ZNF525: variants seen among roughly 807,000 people sequenced by gnomAD.
ZNF525 encodes zinc finger protein 525.
Under a neutral mutation model 37.6 loss-of-function variants are expected in ZNF525, and 33 were observed. The observed-to-expected ratio is 0.88, with a 90% CI of 0.67 to 1.17. ZNF525 has a LOEUF of 1.17. Ranked by LOEUF, ZNF525 falls within the 50% of genes most tolerant of loss-of-function variation. The probability of loss-of-function intolerance (pLI) is 0.00; values close to 1 mark genes in which losing one functional copy is unlikely to be tolerated. For missense variants in ZNF525, 449 were observed against 543.1 expected, an observed-to-expected ratio of 0.83 and a Z score of 1.72; for synonymous variants, 170 against 182.3, an observed-to-expected ratio of 0.93 and a Z score of 0.54.
In ZNF525 at chr19:53,381,979, G is replaced by C. The variant is rs1456525581; in HGVS notation, c.1400G>C (p.Cys467Ser). 9.4e-7 allele frequency: 1 copy of C among 1,068,932 alleles called. No individual in the cohort carries two copies. Among genetic ancestry groups the C allele is most frequent in the African/African-American group, 1.6e-5 (1 of 63,596 alleles). The allele number at this position is 1,068,932 out of a possible 1,614,324, so 66.2% of individuals were successfully genotyped here. Reference protein sequence around the residue: ...HCRLHSGEKPCKCGECDKAYS... With the variant: ...HCRLHSGEKPSKCGECDKAYS... ...AGACTTCATAGTGGAGAGAAACCTT[G>C]CAAGTGTGGAGAATGTGACAAGGCT... Residue 467 changes from cysteine to serine, a missense_variant, in exon 4 of 4, where the codon TGC (cysteine) becomes TCC (serine). Cys to Ser is a moderately radical substitution (Grantham distance 112). Transcript: ENST00000474037.
At chr19:53,379,064 T>G (rs2085541451) in intron 3 of ZNF525, among the ~76,000 whole-genome samples, 1 of 152,194 alleles carries the variant, frequency 6.6e-6, no homozygotes, top group Non-Finnish European at 1.5e-5. Context: ...CCTGGCTGTT[T>G]CATAAATGTA....
chr19:53,380,639 G>A (rs1348301261), intron 3 of ZNF525, 83 bp from the exon 4 acceptor site: 1 of 695,114 alleles, frequency 1.4e-6, no homozygotes, highest in Non-Finnish European at 2.4e-6. Context: ...ACGATTTTGT[G>A]TTCCTAAACT....
intron 1 of ZNF525, among the ~76,000 whole-genome samples, chr19:53,368,145 CA>C (rs1397375589): frequency 6.6e-6 from 1 of 152,134 alleles, no homozygotes; most frequent in African/African-American, 2.4e-5. Context: ...TTCAAGTACA[CA>C]AGCCCTTGTC....
chr19:53,372,350 A>G, intron 2 of ZNF525, 54 bp downstream of exon 2: 2 of 754,532 alleles, frequency 2.7e-6, no homozygotes. Flanking sequence ...AGAAATGCTG[A>G]CCTTGGAGTT....
Position 53,380,901 on chromosome 19 carries a change from G to A in ZNF525, c.322G>A (p.Gly108Ser), listed in dbSNP as rs767640750. ...TCAGTGGCAAGAAGATGAAAGAAAT[G>A]GCCATGAAGCACCCATGACAAAAAT... ...EFQWQEDERN[G>S]HEAPMTKIKK... The change falls in exon 4 of 4, where the codon GGC becomes AGC. Residue 108 changes from glycine (G) to serine (S), a missense_variant. Physicochemically the swap from Gly to Ser is moderately conservative, Grantham distance 56. Transcript: ENST00000474037. 5 of 1,484,088 alleles carry A rather than the reference G, an allele frequency of 3.4e-6. No individual in the cohort carries two copies. In the African/African-American group the frequency reaches 5.5e-5, roughly 16 times the overall value. 91.9% of individuals were successfully genotyped at this position (1,484,088 alleles called of 1,614,324 possible).
rs2085576169 is a variant in ZNF525 at position 53,382,723 on chromosome 19, G to A, written c.*704G>A. The A allele has an allele frequency of 3.9e-6, 3 of 778,110 alleles. No individual in the cohort carries two copies. The highest frequency in any genetic ancestry group is 5.3e-5 in the East Asian group (2 of 38,060). 48.2% of individuals were successfully genotyped at this position (778,110 alleles called of 1,614,324 possible). On this transcript the variant is annotated 3_prime_UTR_variant, in exon 4 of 4. Coordinates refer to ENST00000474037, the MANE Select transcript of ZNF525 (RefSeq NM_001348156.2). ...ATCATTGGAGAATCCATAATAAAGA[G>A]AGACCTTACAAGTGTGATAAATGTG...
rs2085561944 is a variant in ZNF525 at position 53,381,412 on chromosome 19, A to G, written c.833A>G (p.Lys278Arg). The G allele has an allele frequency of 1.3e-6, 2 of 1,583,468 alleles. No homozygotes were observed. The highest frequency in any genetic ancestry group is 8.7e-7 in the Non-Finnish European group (1 of 1,152,268). ...CCTTACAAGTGTAATGAGTGTGGCA[A>G]GTCCTTCAGTCAGATGTCATCCCTT... ...EKPYKCNECG[K>R]SFSQMSSLTY... Residue 278 changes from lysine (K) to arginine (R), a missense_variant, in exon 4 of 4, where the codon AAG (lysine) becomes AGG (arginine). This residue lies in a region of ZNF525 where 271 missense variants were observed against 381.6 expected (regional missense o/e 0.71). Transcript: ENST00000474037.
intron 1 of ZNF525, among the ~76,000 whole-genome samples, chr19:53,368,471 C>T (rs1020015972): frequency 1.3e-5 from 2 of 152,164 alleles, no homozygotes; most frequent in African/African-American, 2.4e-5. Context: ...AAACTGTGGG[C>T]ATTGCTTTGG....
chr19:53,373,971 A>AT (rs1366734856), intron 2 of ZNF525, among the ~76,000 whole-genome samples: 1 of 152,026 alleles, frequency 6.6e-6, no homozygotes, highest in Non-Finnish European at 1.5e-5. Context: ...CAACCTCTGC[A>AT]TCCCGAGCTC....
Position 53,369,817 on chromosome 19 carries a change from C to T in ZNF525, c.-67-2398C>T, listed in dbSNP as rs551616507. Among the ~76,000 whole-genome samples the T allele has an allele frequency of 6.7e-3, 893 of 133,566 alleles. 91 individuals are homozygous for T. Among genetic ancestry groups the T allele is most frequent in the African/African-American group, 0.025 (802 of 32,578 alleles). The allele number at this position is 133,566 out of a possible 152,430, so 87.6% of individuals were successfully genotyped here. ...TGGGCTCACTGCAAGCTCCACCTCC[C>T]GGGTTCACGCCATTCTCCTGCCTCA... On this transcript the variant is annotated intron_variant, in intron 1 of 3. Coordinates refer to ENST00000474037, the MANE Select transcript of ZNF525 (RefSeq NM_001348156.2).
At chr19:53,370,909 G>T (rs1469911284) in intron 1 of ZNF525, among the ~76,000 whole-genome samples, 1 of 152,266 alleles carries the variant, frequency 6.6e-6, no homozygotes, top group South Asian at 2.1e-4. Context: ...GCCCCTGCCA[G>T]TGTCCAGCCT....
At chr19:53,379,025 G>GTATA (rs145894575) in intron 3 of ZNF525, among the ~76,000 whole-genome samples, 2 of 150,722 alleles carry the variant, frequency 1.3e-5, no homozygotes, top group East Asian at 1.9e-4. Flanking sequence ...ATAGGGCAAT[G>GTATA]TATATATATA....
chr19:53,379,340 AC>A (rs1250277543), intron 3 of ZNF525: 1 of 151,072 alleles, frequency 6.6e-6, no homozygotes, highest in African/African-American at 2.4e-5. Flanking sequence ...CTATTCTTGA[AC>A]TCCTGACCTC....
intron 3 of ZNF525, among the ~76,000 whole-genome samples, chr19:53,376,613 T>C (rs1325735554): frequency 6.6e-6 from 1 of 152,200 alleles, no homozygotes; most frequent in East Asian, 1.9e-4. Context: ...AGTCTCCCTC[T>C]GTGGCCAAGG....
rs1232155784 is a variant in ZNF525, at chr19:53,386,307, G to A, written c.*4288G>A. On this transcript the variant is annotated 3_prime_UTR_variant, in exon 4 of 4. Transcript: ENST00000474037. ...AAAAGCAAAACCATCCCACTCCCCT[G>A]TGGATTCAGATCAAAACTGGTAATA... The A allele has an allele frequency of 1.5e-5, 11 of 722,590 alleles. No homozygotes were observed. Among genetic ancestry groups the A allele is most frequent in the Non-Finnish European group, 2.5e-5 (10 of 396,652 alleles). The allele number at this position is 722,590 out of a possible 1,614,324, so 44.8% of individuals were successfully genotyped here. A position where few individuals can be genotyped will look rare whatever the true frequency, so the allele number is the denominator to read the frequency against.
chr19:53,372,275 G>A lies in ZNF525; in HGVS notation c.-7G>A. 1.3e-6 allele frequency: 1 copy of A among 775,846 alleles called. No homozygotes were observed. Among genetic ancestry groups the A allele is most frequent in the Non-Finnish European group, 2.3e-6 (1 of 426,276 alleles). 48.1% of individuals were successfully genotyped at this position (775,846 alleles called of 1,614,324 possible). ...AAACCCGGAAAAGGAAAGCAGAGGA[G>A]TCAGGGATGGCTCTTCCTCAGGTGA... On this transcript the variant is annotated 5_prime_UTR_variant, in exon 2 of 4. Transcript: ENST00000474037.
At chr19:53,374,909 T>C (rs1443258751) in intron 2 of ZNF525, among the ~76,000 whole-genome samples, 1 of 152,148 alleles carries the variant, frequency 6.6e-6, no homozygotes, top group African/African-American at 2.4e-5. Context: ...TGGGTCTCAC[T>C]GTGTTGCCCA....
At chr19:53,366,377 G>T (rs964948628) in intron 1 of ZNF525, among the ~76,000 whole-genome samples, 1 of 150,554 alleles carries the variant, frequency 6.6e-6, no homozygotes, top group African/African-American at 2.4e-5. Context: ...CCTCCGGGAT[G>T]CAGGCGTCTT....
intron 3 of ZNF525, 57 bp from the exon 4 acceptor site, chr19:53,380,665 G>C (rs1263646265): frequency 1.1e-5 from 9 of 822,558 alleles, no homozygotes; most frequent in Non-Finnish European, 1.7e-5. Context: ...GATCATGTTT[G>C]GGAAGTTTAA....
Sources: allele counts gnomAD v4.1 joint callset (sites outside exome capture counted in the v4.1 genomes callset), GRCh38; gene constraint gnomAD v4.1.1; regional missense constraint gnomAD v4.1.1; transcripts MANE v1.5; gene names NCBI Gene and HGNC (gene_info 2026-07-23, HGNC 2026-07-21).